BANP: variants seen among roughly 807,000 people sequenced by gnomAD.
BANP encodes the protein protein BANP.
Under a neutral mutation model 68.1 loss-of-function variants are expected in BANP, and 11 were observed. The observed-to-expected ratio is 0.16, with a 90% CI of 0.10 to 0.27. The LOEUF (loss-of-function observed/expected upper bound fraction) is 0.27, where lower values mean the gene tolerates loss of function less well. Among genes scored for constraint, BANP ranks in the 10% least tolerant of loss-of-function variants. BANP has a pLI of 1.00. For synonymous variants in BANP, 329 were observed against 303.2 expected (o/e 1.09, Z -0.88); for missense variants, 504 against 722.7 (o/e 0.70, Z 3.47).
At chr16:87,977,310 T>C (rs1361506551) in intron 2 of BANP, among the ~76,000 whole-genome samples, 1 of 152,030 alleles carries the variant, frequency 6.6e-6, no homozygotes, top group Non-Finnish European at 1.5e-5. Context: ...TCCCAGCTGC[T>C]CAGGAGGCTG....
intron 11 of BANP, among the ~76,000 whole-genome samples, chr16:88,055,846 C>T (rs185048090): frequency 1.1e-3 from 163 of 152,280 alleles, no homozygotes; most frequent in African/African-American, 3.7e-3. Context: ...AAGCAGAAAT[C>T]TTGGAGACTC....
chr16:88,058,665 C>T (rs1416207942), intron 11 of BANP, among the ~76,000 whole-genome samples: 1 of 152,084 alleles, frequency 6.6e-6, no homozygotes, highest in African/African-American at 2.4e-5. Context: ...CGTGTGTGTC[C>T]TGCCCCGGGG....
At chr16:88,075,143 C>T (rs922084426) in intron 13 of BANP, among the ~76,000 whole-genome samples, 5 of 152,054 alleles carry the variant, frequency 3.3e-5, no homozygotes, top group African/African-American at 7.2e-5. Flanking sequence ...GTCAGGAGTT[C>T]GAGACCAGCC....
At chr16:87,958,848 C>G (rs566761919) in intron 1 of BANP, among the ~76,000 whole-genome samples, 13 of 152,216 alleles carry the variant, frequency 8.5e-5, no homozygotes, top group South Asian at 2.1e-4. Flanking sequence ...CCAGTGAGCT[C>G]AGCGGCACAA....
In BANP at chr16:88,018,811, A is replaced by C. The variant is rs368810187; in HGVS notation, c.895+144A>C. 1 of 1,144,566 alleles carries C rather than the reference A, an allele frequency of 8.7e-7. No individual in the cohort carries two copies. The highest frequency in any genetic ancestry group is 1.6e-5 in the African/African-American group (1 of 64,282). 70.9% of individuals were successfully genotyped at this position (1,144,566 alleles called of 1,614,324 possible). A position where few individuals can be genotyped will look rare whatever the true frequency, so the allele number is the denominator to read the frequency against. On this transcript the variant is annotated intron_variant, in intron 7 of 13. Transcript: ENST00000682872. The surrounding 1 kb of genome is among the most constrained non-coding windows in gnomAD (Gnocchi z 7.7). Reference sequence around the variant, plus strand: ...GGTTTGAAATCTCAGCCCGAGGATCAGTGCTCGAGGGGATGGATGAGCTGT... The same window carrying C: ...GGTTTGAAATCTCAGCCCGAGGATCCGTGCTCGAGGGGATGGATGAGCTGT...
At chr16:88,049,315 A>G (rs2082718669) in intron 11 of BANP, among the ~76,000 whole-genome samples, 1 of 152,220 alleles carries the variant, frequency 6.6e-6, no homozygotes, top group Non-Finnish European at 1.5e-5. Flanking sequence ...GTTTATTATC[A>G]TAAAGAATAC....
chr16:88,046,238 G>C (rs564778508), intron 11 of BANP, among the ~76,000 whole-genome samples: 20 of 152,356 alleles, frequency 1.3e-4, no homozygotes, highest in African/African-American at 4.8e-4. Context: ...GAATGTGTGT[G>C]TGTGTGTGAT....
rs189498749 is a variant in BANP, at chr16:88,026,433, G to A, written c.896-1050G>A. Among the ~76,000 whole-genome samples the A allele has an allele frequency of 1.1e-3, 165 of 152,350 alleles. 1 individual carries two copies. The highest frequency in any genetic ancestry group is 4.2e-3 in the East Asian group (22 of 5,184). On this transcript the variant is annotated intron_variant, in intron 7 of 13. Coordinates refer to ENST00000682872, the MANE Select transcript of BANP (RefSeq NM_001386991.1). ...CGTTGTCATCACTATTTACACAGGA[G>A]CAGCCACTGTGCGCCAGAATGTTCT...
intron 4 of BANP, among the ~76,000 whole-genome samples, chr16:87,997,105 T>C (rs1350548705): frequency 6.6e-6 from 1 of 152,190 alleles, no homozygotes; most frequent in Non-Finnish European, 1.5e-5. Flanking sequence ...GTAGAAAATG[T>C]TTGCCATGAC....
Position 87,957,653 on chromosome 16 carries a change from G to A in BANP, c.-69+6138G>A, listed in dbSNP as rs2058355860. ...ATGAAAAGTCATCAAATATCTGGAA[G>A]CAAAGCTTAATCTTTCTGAAAGTAG... On this transcript the variant is annotated intron_variant, in intron 1 of 13. Transcript: ENST00000682872. The surrounding 1 kb of genome is among the most constrained non-coding windows in gnomAD (Gnocchi z 4.3). 6.6e-6 allele frequency among the ~76,000 whole-genome samples: 1 copy of A among 152,248 alleles called. No homozygotes were observed. Among genetic ancestry groups the A allele is most frequent in the Admixed American group, 6.5e-5 (1 of 15,288 alleles).
intron 7 of BANP, among the ~76,000 whole-genome samples, chr16:88,024,170 C>T (rs1175425845): frequency 6.6e-6 from 1 of 152,202 alleles, no homozygotes; most frequent in Non-Finnish European, 1.5e-5. Flanking sequence ...GTGTGCGGGG[C>T]TGTGCGTGTT....
rs1019390970 is a variant in BANP, at chr16:88,071,957, G to A, written c.1378-112G>A. On this transcript the variant is annotated intron_variant, in intron 12 of 13. Transcript: ENST00000682872. This position sits in a 1 kb window ranked among gnomAD's most constrained non-coding sequence, Gnocchi z 6.5. ...GTGGCCCTGAGGCCGTGTCCCTGCC[G>A]CTCAGGGGACAGCACGTGTGGGCTG... The A allele has an allele frequency of 9.2e-6, 13 of 1,419,054 alleles. No homozygotes were observed. Among genetic ancestry groups the A allele is most frequent in the East Asian group, 7.5e-5 (3 of 40,240 alleles). The allele number at this position is 1,419,054 out of a possible 1,614,324, so 87.9% of individuals were successfully genotyped here.
Position 88,035,368 on chromosome 16 carries a change from C to G in BANP, c.1246C>G (p.Gln416Glu), listed in dbSNP as rs1412354197. The change falls in exon 10 of 14, where the codon CAA (glutamine) becomes GAA (glutamate). Residue 416 changes from glutamine (Q) to glutamate (E), a missense_variant. Around this residue, in one of 3 missense-constraint regions of BANP, gnomAD observed 223 missense variants for 246.2 expected, o/e 0.91. Transcript: ENST00000682872. The stretch of plus-strand genomic sequence containing the variant: ...CATCGCCCAGGTGCCGCAGGGGGAG[C>G]AAGTCCAGATCACGCAGGACAGCGA... ...LHIAQVPQGE[Q>E]VQITQDSEGN... 6.2e-7 allele frequency: 1 copy of G among 1,611,500 alleles called. No individual in the cohort carries two copies. The highest frequency in any genetic ancestry group is 8.5e-7 in the Non-Finnish European group (1 of 1,179,188).
At chr16:88,012,466 T>C (rs780582527) in intron 6 of BANP, among the ~76,000 whole-genome samples, 5 of 152,220 alleles carry the variant, frequency 3.3e-5, no homozygotes, top group Non-Finnish European at 7.3e-5. Context: ...GGTTGTGTTG[T>C]GGAACGTAAC....
intron 1 of BANP, among the ~76,000 whole-genome samples, chr16:87,966,068 C>T (rs113845244): frequency 0.011 from 1,670 of 152,336 alleles, 11 homozygotes; most frequent in African/African-American, 0.017. Context: ...TCATCCGCAC[C>T]GCTGTGCAGC....
intron 4 of BANP, among the ~76,000 whole-genome samples, chr16:87,987,907 AGGTGC>A (rs1450469183): frequency 6.6e-6 from 1 of 151,942 alleles, no homozygotes; most frequent in African/African-American, 2.4e-5. Context: ...CTGGAACTGT[AGGTGC>A]ACGCTACTAT....
rs763633630 is a variant in BANP, at chr16:88,076,581, C to G, written c.1522-9C>G. The G allele has an allele frequency of 3.1e-6, 5 of 1,612,328 alleles. No individual in the cohort carries two copies. Among genetic ancestry groups the G allele is most frequent in the Non-Finnish European group, 4.2e-6 (5 of 1,179,510 alleles). On this transcript the variant is annotated splice_polypyrimidine_tract_variant and intron_variant, in intron 13 of 13. Transcript: ENST00000682872. ...TTTCTAGAAAGTCCCTCCTTTCTCC[C>G]TTTTGCAGACGGCCGAAGCCCTGCA...
intron 3 of BANP, among the ~76,000 whole-genome samples, chr16:87,982,273 G>C (rs536987902): frequency 2.5e-4 from 38 of 152,324 alleles, no homozygotes; most frequent in African/African-American, 8.9e-4. Context: ...AGAAGAGGGT[G>C]GGCCCCCGGT....
intron 11 of BANP, among the ~76,000 whole-genome samples, chr16:88,046,446 G>A (rs983291686): frequency 1.1e-4 from 17 of 152,196 alleles, no homozygotes; most frequent in African/African-American, 2.9e-4. Context: ...TCAGCATAAC[G>A]TGGACGTGCT....
Sources: gnomAD v4.1 joint callset for allele counts (sites outside exome capture counted in the v4.1 genomes callset) on GRCh38, gnomAD v4.1.1 for gene constraint, gnomAD v4.1.1 regional missense constraint, Gnocchi (gnomAD v3.1) non-coding constraint, MANE v1.5 for transcripts, NCBI Gene and HGNC (gene_info 2026-07-23, HGNC 2026-07-21) for gene names.